FLNC: variants seen among roughly 807,000 people sequenced by gnomAD.
FLNC encodes filamin-C.
FLNC carries 91 observed loss-of-function variants against 254.3 expected under a neutral mutation model. The ratio of observed to expected loss-of-function variants is 0.36; its 90% CI spans 0.30 to 0.43. FLNC has a LOEUF of 0.43. Ranked by LOEUF, FLNC falls within the 20% of genes least tolerant of loss-of-function variation. FLNC has a pLI of 1.00. For missense variants in FLNC, 2,853 were observed against 3,802.6 expected (o/e 0.75, Z 6.57); for synonymous variants, 1,430 against 1,577.2 (o/e 0.91, Z 2.21).
Position 128,837,739 on chromosome 7 carries a change from A to G in FLNC, c.953A>G (p.Glu318Gly). ...GTGCTGGTCTACATCGAGGACCCTGAAGGCCACACCGAGGAGGTATGCAGA... is the reference window on the plus strand; with the variant it reads ...GTGCTGGTCTACATCGAGGACCCTGGAGGCCACACCGAGGAGGTATGCAGA... ...GEVLVYIEDP[E>G]GHTEEAKVVP... The change falls in exon 5 of 48, where the codon GAA becomes GGA. Residue 318 changes from glutamate to glycine, a missense_variant. Physicochemically the swap from Glu to Gly is moderately conservative, Grantham distance 98. Around this residue, in one of 10 missense-constraint regions of FLNC, gnomAD observed 1,573 missense variants for 1,883.5 expected, o/e 0.84. Coordinates refer to ENST00000325888, the MANE Select transcript of FLNC (RefSeq NM_001458.5). The G allele has an allele frequency of 6.3e-7, 1 of 1,586,408 alleles. No individual in the cohort carries two copies.
intron 3 of FLNC, 40 bp from the exon 4 acceptor site, chr7:128,837,358 A>G: frequency 1.2e-6 from 2 of 1,613,510 alleles, no homozygotes. Flanking sequence ...GGCTGCTGGG[A>G]AAAGAGGGCG....
Position 128,837,400 on chromosome 7 carries a change from C to T in FLNC, c.702C>T (p.Val234=). The T allele has an allele frequency of 6.2e-7, 1 of 1,614,110 alleles. No individual in the cohort carries two copies. The highest frequency in any genetic ancestry group is 8.5e-7 in the Non-Finnish European group (1 of 1,180,014). ...QADDWLGVPQ[V]IAPEEIVDPN... The stretch of plus-strand genomic sequence containing the variant: ...GACATCACTCCTTTCCATCGCAGGT[C>T]ATTGCCCCTGAGGAGATTGTGGACC... Residue 234 remains valine (V), a splice_region_variant and synonymous_variant, in exon 4 of 48, where the codon GTC becomes GTT. Coordinates refer to ENST00000325888, the MANE Select transcript of FLNC (RefSeq NM_001458.5).
chr7:128,854,221 G>A lies in FLNC; in HGVS notation c.6727+5G>A, dbSNP rs772680814. Reference sequence around the variant, plus strand: ...GCATCACCCGGCAGCAGGAGGGTGAGCACCGCACACTGGGCCGGCCGGGTC... The same window carrying A: ...GCATCACCCGGCAGCAGGAGGGTGAACACCGCACACTGGGCCGGCCGGGTC... On this transcript the variant is annotated splice_donor_5th_base_variant and intron_variant, in intron 40 of 47. Transcript: ENST00000325888. 2 of 1,606,464 alleles carry A rather than the reference G, an allele frequency of 1.2e-6. No individual in the cohort carries two copies. Among genetic ancestry groups the A allele is most frequent in the Admixed American group, 1.7e-5 (1 of 59,876 alleles).
In FLNC at chr7:128,842,314, C is replaced by A; in HGVS notation, c.2205C>A (p.Pro735=). 1 of 1,613,864 alleles carries A rather than the reference C, an allele frequency of 6.2e-7. No homozygotes were observed. Among genetic ancestry groups the A allele is most frequent in the Non-Finnish European group, 8.5e-7 (1 of 1,180,010 alleles). The change falls in exon 14 of 48, where the codon CCC becomes CCA. Residue 735 remains proline (P), a synonymous_variant. Transcript: ENST00000325888. This position sits in a 1 kb window ranked among gnomAD's most constrained non-coding sequence, Gnocchi z 5.4. ...TFRCSYVPTK[P]IKHTIIISWG... is the part of the protein sequence containing the mutation. ...GCTGCTCCTACGTGCCCACCAAGCC[C>A]ATTAAGCACACCATCATCATCTCCT...
rs761944212 is a variant in FLNC, at chr7:128,846,362, G to A, written c.4026G>A (p.Val1342=). 30 of 1,613,264 alleles carry A rather than the reference G, an allele frequency of 1.9e-5. No individual in the cohort carries two copies. Among genetic ancestry groups the A allele is most frequent in the East Asian group, 6.7e-5 (3 of 44,878 alleles). Residue 1342 remains valine, a synonymous_variant, in exon 23 of 48, where the codon GTG becomes GTA. Coordinates refer to ENST00000325888, the MANE Select transcript of FLNC (RefSeq NM_001458.5). The stretch of plus-strand genomic sequence containing the variant: ...CTGTGCCCAAGAGCCCCTTCCGAGT[G>A]GGCGTGACCGAGGGCTGTGATCCCA... ...EVAVPKSPFR[V]GVTEGCDPTR...
rs922864783 is a variant in FLNC at position 128,853,478 on chromosome 7, G to A, written c.6218G>A (p.Gly2073Asp). The A allele has an allele frequency of 6.2e-7, 1 of 1,613,894 alleles. No individual in the cohort carries two copies. Among genetic ancestry groups the A allele is most frequent in the Non-Finnish European group, 8.5e-7 (1 of 1,180,020 alleles). Residue 2073 changes from glycine to aspartate, a missense_variant, in exon 38 of 48, where the codon GGC becomes GAC. By Grantham distance (94) the Gly-to-Asp change is moderately conservative (BLOSUM62 -1). Coordinates refer to ENST00000325888, the MANE Select transcript of FLNC (RefSeq NM_001458.5). ...CCTTGCTTTCCCCCAGGTTATGGGG[G>A]CTTGGGGCTGAGTATTGAAGGCCCA... ...IVDTRNAGYGGLGLSIEGPSK... is the reference protein window; with the variant it reads ...IVDTRNAGYGDLGLSIEGPSK...
chr7:128,853,936 C>T lies in FLNC; in HGVS notation c.6485-38C>T, dbSNP rs553363310. 101 of 1,613,228 alleles carry T rather than the reference C, an allele frequency of 6.3e-5. No individual in the cohort carries two copies. The Admixed American group carries it at 8.3e-4, about 13-fold the overall frequency. Reference sequence around the variant, plus strand: ...GCCTCCACCCTGCTTCCTCACCCCTCGCTTCCCTCCCTCACCCTGGCTCCC... The same window carrying T: ...GCCTCCACCCTGCTTCCTCACCCCTTGCTTCCCTCCCTCACCCTGGCTCCC... On this transcript the variant is annotated intron_variant, in intron 39 of 47. Transcript: ENST00000325888.
At chr7:128,839,446 T>G (rs1270444344) in intron 8 of FLNC, among the ~76,000 whole-genome samples, 1 of 152,170 alleles carries the variant, frequency 6.6e-6, no homozygotes, top group Non-Finnish European at 1.5e-5. Context: ...CGTGTCCTGT[T>G]TCGTAGCACC....
In FLNC at chr7:128,843,587, G is replaced by T. The variant is rs1280352199; in HGVS notation, c.2811+10G>T. On this transcript the variant is annotated intron_variant, in intron 18 of 47. Transcript: ENST00000325888. ...CACCGCTGTCCAGCAGGTGCGCTCT[G>T]CCCCTCCCATGCTACCGCCCGGCCG... 6.2e-7 allele frequency: 1 copy of T among 1,613,586 alleles called. No homozygotes were observed. The highest frequency in any genetic ancestry group is 1.3e-5 in the African/African-American group (1 of 75,014).
intron 35 of FLNC, 60 bp from the exon 36 acceptor site, chr7:128,852,531 C>G: frequency 6.3e-7 from 1 of 1,599,316 alleles, no homozygotes; most frequent in East Asian, 2.2e-5. Context: ...GTTCCTGAGC[C>G]CTGTGAGGGC....
In FLNC at chr7:128,849,983, AC is replaced by A; in HGVS notation, c.5212del (p.Leu1738CysfsTer45). On this transcript the variant is annotated frameshift_variant, in exon 31 of 48. Coordinates refer to ENST00000325888, the MANE Select transcript of FLNC (RefSeq NM_001458.5). LOFTEE classifies it high-confidence loss of function. ...PNSPFHVLAC[D>X]PLPHEEEPSE... is the part of the protein sequence containing the mutation. ...CGTGCCTTGCCTCCCCAGGCGTGTG[AC>A]CCCCTGCCGCACGAGGAGGAGCCCT... The A allele has an allele frequency of 1.9e-6, 3 of 1,586,840 alleles. No homozygotes were observed.
At chr7:128,834,311 G>GC (rs34045649) in intron 1 of FLNC, among the ~76,000 whole-genome samples, 9,065 of 125,252 alleles carry the variant, frequency 0.072, 565 homozygotes, top group Admixed American at 0.1. Context: ...GGATCTAGGC[G>GC]CCCCCCCCCC....
rs1809185101 is a variant in FLNC, at chr7:128,858,852, C to A, written c.*329C>A. The A allele has an allele frequency of 4.6e-6, 2 of 432,760 alleles. No individual in the cohort carries two copies. Among genetic ancestry groups the A allele is most frequent in the Non-Finnish European group, 8.6e-6 (2 of 231,932 alleles). 26.8% of individuals were successfully genotyped at this position (432,760 alleles called of 1,614,324 possible). On this transcript the variant is annotated 3_prime_UTR_variant, in exon 48 of 48. Coordinates refer to ENST00000325888, the MANE Select transcript of FLNC (RefSeq NM_001458.5). This position sits in a 1 kb window ranked among gnomAD's most constrained non-coding sequence, Gnocchi z 6.7. The stretch of plus-strand genomic sequence containing the variant: ...GCCCTGAGTTTCTGGCGGGGCTGAG[C>A]AGTGGGGGAGCATTGTGTTGTGGGT...
At chr7:128,851,113 G>A (rs1468867711) in intron 33 of FLNC, 119 bp from the exon 34 acceptor site, 7 of 1,557,344 alleles carry the variant, frequency 4.5e-6, no homozygotes, top group Non-Finnish European at 5.3e-6. Context: ...TCCACCAGCT[G>A]GGTCCCTACG....
In FLNC at chr7:128,856,609, C is replaced by T. The variant is rs778500387; in HGVS notation, c.7343C>T (p.Ser2448Leu). Residue 2448 changes from serine (S) to leucine (L), a missense_variant, in exon 44 of 48, where the codon TCG becomes TTG. By Grantham distance (145) the Ser-to-Leu change is moderately radical (BLOSUM62 -2). Coordinates refer to ENST00000325888, the MANE Select transcript of FLNC (RefSeq NM_001458.5). The surrounding 1 kb of genome is among the most constrained non-coding windows in gnomAD (Gnocchi z 5.9). ...ATTGATGCCCGGGTGCACACACCCT[C>T]GGGGGCTGTGGAGGAGTGCTACGTC... Reference protein sequence around the residue: ...GVIDARVHTPSGAVEECYVSE... With the variant: ...GVIDARVHTPLGAVEECYVSE... The T allele has an allele frequency of 3.1e-6, 5 of 1,612,772 alleles. No homozygotes were observed. The highest frequency in any genetic ancestry group is 2.2e-5 in the East Asian group (1 of 44,886).
chr7:128,833,000 G>A (rs1006770864), intron 1 of FLNC, among the ~76,000 whole-genome samples: 7 of 152,186 alleles, frequency 4.6e-5, no homozygotes, highest in African/African-American at 1.7e-4. Context: ...CACCTCAGGG[G>A]GTGTCAGAAA....
chr7:128,839,247 C>A (rs948701007), intron 8 of FLNC, among the ~76,000 whole-genome samples: 3 of 152,230 alleles, frequency 2.0e-5, no homozygotes, highest in Non-Finnish European at 4.4e-5. Context: ...ATCGCCCCCC[C>A]TTCCTTGGCA....
At position 128,835,241 on chromosome 7, in the gene FLNC, G is replaced by A. The variant is rs191095854; in HGVS notation, c.353-85G>A. 22 of 1,594,472 alleles carry A rather than the reference G, an allele frequency of 1.4e-5. No individual in the cohort carries two copies. In the African/African-American group the frequency reaches 1.5e-4, roughly 11 times the overall value. On this transcript the variant is annotated intron_variant, in intron 1 of 47. Coordinates refer to ENST00000325888, the MANE Select transcript of FLNC (RefSeq NM_001458.5). The surrounding 1 kb of genome is among the most constrained non-coding windows in gnomAD (Gnocchi z 5.3). The stretch of plus-strand genomic sequence containing the variant: ...AGGCCTGACCCCAGAGCTCTGGCCC[G>A]AGGAGCTGCGCAGGTGAGGGAGGGT...
At chr7:128,854,388 C>T (rs1371112566) in intron 40 of FLNC, 25 bp from the exon 41 acceptor site, 1 of 1,605,260 alleles carries the variant, frequency 6.2e-7, no homozygotes. Context: ...CCCAGTGTTG[C>T]CCTGACATCC....
Sources: allele counts gnomAD v4.1 joint callset (sites outside exome capture counted in the v4.1 genomes callset), GRCh38; gene constraint gnomAD v4.1.1; regional missense constraint gnomAD v4.1.1; non-coding constraint Gnocchi (gnomAD v3.1); transcripts MANE v1.5; gene names NCBI Gene and HGNC (gene_info 2026-07-23, HGNC 2026-07-21).